The following INPP5B variants were observed in gnomAD, a reference collection of about 807,000 sequenced individuals.
The protein encoded by INPP5B is inositol polyphosphate-5-phosphatase B, also known as type II inositol 1,4,5-trisphosphate 5-phosphatase.
A neutral mutation model predicts 118.5 loss-of-function variants in INPP5B; 90 were observed. The ratio of observed to expected loss-of-function variants is 0.76; its 90% CI spans 0.64 to 0.90. INPP5B has a LOEUF of 0.90. Ranked by LOEUF, INPP5B falls within the 40% of genes least tolerant of loss-of-function variation. The pLI is 0.00. For synonymous variants in INPP5B, 385 were observed against 418.9 expected, an observed-to-expected ratio of 0.92 and a Z score of 0.99; for missense variants, 984 against 1,125.6, an observed-to-expected ratio of 0.87 and a Z score of 1.80.
At chr1:37,918,568 T>C (rs1255485621) in intron 7 of INPP5B, among the ~76,000 whole-genome samples, 1 of 152,240 alleles carries the variant, frequency 6.6e-6, no homozygotes. Context: ...TTCCTGTCTA[T>C]ATAATGTGTC....
intron 7 of INPP5B, among the ~76,000 whole-genome samples, chr1:37,897,055 C>T (rs1009133023): frequency 6.8e-6 from 1 of 148,120 alleles, no homozygotes; most frequent in African/African-American, 2.5e-5. Context: ...GCTGCCCCTA[C>T]TGGGAAGTGA....
chr1:37,901,758 C>T (rs182693679), intron 7 of INPP5B, among the ~76,000 whole-genome samples: 6 of 152,244 alleles, frequency 3.9e-5, no homozygotes, highest in South Asian at 4.1e-4. Flanking sequence ...GAACCTGGCA[C>T]GGAAGCTGGC....
intron 7 of INPP5B, among the ~76,000 whole-genome samples, chr1:37,923,303 T>C (rs1001720283): frequency 6.6e-6 from 1 of 152,176 alleles, no homozygotes; most frequent in Non-Finnish European, 1.5e-5. Flanking sequence ...TACAGGGCTT[T>C]ATCCAGAAAT....
chr1:37,872,133 G>A (rs1257795193), intron 19 of INPP5B, among the ~76,000 whole-genome samples: 4 of 149,280 alleles, frequency 2.7e-5, no homozygotes, highest in Non-Finnish European at 5.9e-5. Context: ...TTGGGAGGCC[G>A]AGATGGGCGG....
chr1:37,919,526 A>G (rs1331195906), intron 7 of INPP5B, among the ~76,000 whole-genome samples: 2 of 152,156 alleles, frequency 1.3e-5, no homozygotes. Context: ...AGGGCCTTAC[A>G]TACTAGCAAA....
intron 7 of INPP5B, among the ~76,000 whole-genome samples, chr1:37,915,337 C>A (rs1456428523): frequency 5.9e-5 from 9 of 152,204 alleles, no homozygotes. Flanking sequence ...TGAGGCAATA[C>A]CCAGTTAATC....
intron 16 of INPP5B, among the ~76,000 whole-genome samples, chr1:37,877,048 A>C (rs1217854739): frequency 6.9e-6 from 1 of 144,038 alleles, no homozygotes; most frequent in Non-Finnish European, 1.5e-5. Context: ...GGGTGACAGA[A>C]CAAAACAGTG....
At chr1:37,876,689 C>G (rs1642837851) in intron 16 of INPP5B, among the ~76,000 whole-genome samples, 1 of 123,964 alleles carries the variant, frequency 8.1e-6, no homozygotes. Context: ...GAAACCCCGT[C>G]TCTACTAAAA....
intron 15 of INPP5B, 46 bp from the exon 16 acceptor site, chr1:37,878,369 G>A (rs748180039): frequency 1.2e-6 from 2 of 1,607,456 alleles, no homozygotes; most frequent in Admixed American, 1.7e-5. Context: ...AAACAGCAGT[G>A]CCCGCTGCCT....
At chr1:37,921,625 T>TC (rs1202589365) in intron 7 of INPP5B, among the ~76,000 whole-genome samples, 1 of 152,114 alleles carries the variant, frequency 6.6e-6, no homozygotes, top group African/African-American at 2.4e-5. Flanking sequence ...GGTGGGAGGA[T>TC]CACCTGAGGT....
chr1:37,933,195 G>A (rs1225869894), intron 6 of INPP5B, among the ~76,000 whole-genome samples: 2 of 152,114 alleles, frequency 1.3e-5, no homozygotes, highest in Non-Finnish European at 2.9e-5. Flanking sequence ...CAAAAAACTT[G>A]GCTTATTGAA....
chr1:37,940,930 G>A (rs1645885325), intron 5 of INPP5B, 132 bp from the exon 6 acceptor site: 1 of 598,836 alleles, frequency 1.7e-6, no homozygotes, highest in East Asian at 2.9e-5. Context: ...ACTTACTTGG[G>A]ACAGCTGCTG....
chr1:37,906,239 T>C (rs893944526), intron 7 of INPP5B, among the ~76,000 whole-genome samples: 7 of 152,134 alleles, frequency 4.6e-5, no homozygotes, highest in African/African-American at 1.7e-4. Flanking sequence ...TGACCTGTGG[T>C]AATTAAAGAA....
chr1:37,892,178 T>C (rs1006522875), intron 7 of INPP5B, among the ~76,000 whole-genome samples: 2 of 152,228 alleles, frequency 1.3e-5, no homozygotes, highest in African/African-American at 4.8e-5. Flanking sequence ...AGGTTTAATG[T>C]AGGGTCAACT....
At chr1:37,945,626 A>G in intron 3 of INPP5B, 130 bp downstream of exon 3, 1 of 655,314 alleles carries the variant, frequency 1.5e-6, no homozygotes, top group Non-Finnish European at 2.7e-6. Context: ...AAAAAATATT[A>G]ACTATCATTG....
At chr1:37,868,759 G>A (rs1404750229) in intron 19 of INPP5B, 145 bp from the exon 20 acceptor site, 4 of 656,830 alleles carry the variant, frequency 6.1e-6, no homozygotes, top group Non-Finnish European at 1.1e-5. Flanking sequence ...GAAATCAGGT[G>A]GTATGATCAA....
intron 17 of INPP5B, among the ~76,000 whole-genome samples, chr1:37,874,552 G>C (rs9329569): frequency 0.92 from 139,306 of 152,224 alleles, 64,523 homozygotes; most frequent in Non-Finnish European, 0.99. Flanking sequence ...AATCCTAGCA[G>C]TTTGGGAGGC....
Position 37,931,941 on chromosome 1 carries a change from G to C in INPP5B, c.504C>G (p.Thr168=). The C allele has an allele frequency of 1.2e-6, 2 of 1,614,108 alleles. No homozygotes were observed. The highest frequency in any genetic ancestry group is 1.3e-5 in the African/African-American group (1 of 75,040). ...CGCCAATTGTCGCGTACCCTGGCCA[G>C]GTAACTAGGGCCGAGTTACAACCGC... The part of the protein sequence containing the change: ...TPRGCNSALV[T]WPGYATIGGG... Residue 168 remains threonine, a synonymous_variant, in exon 7 of 24, where the codon ACC becomes ACG. Coordinates refer to ENST00000373024, the MANE Select transcript of INPP5B (RefSeq NM_005540.3).
At chr1:37,866,568 A>T (rs752738829) in intron 20 of INPP5B, 25 bp from the exon 21 acceptor site, 7 of 1,391,042 alleles carry the variant, frequency 5.0e-6, no homozygotes, top group Non-Finnish European at 7.2e-6. Context: ...ACAGTAACAA[A>T]ATAATTATTT....
Sources: allele counts gnomAD v4.1 joint callset (sites outside exome capture counted in the v4.1 genomes callset), GRCh38; gene constraint gnomAD v4.1.1; transcripts MANE v1.5; gene names NCBI Gene and HGNC (gene_info 2026-07-23, HGNC 2026-07-21).